The following UTRN variants were observed in gnomAD, a reference collection of about 807,000 sequenced individuals.
The protein encoded by UTRN is utrophin, also known as dystrophin-related protein 1.
UTRN carries 283 observed loss-of-function variants against 463.9 expected under a neutral mutation model. That is an observed-to-expected ratio of 0.61 (90% CI 0.55 to 0.67). The LOEUF (loss-of-function observed/expected upper bound fraction) is 0.67, where lower values mean the gene tolerates loss of function less well. Ranked by LOEUF, UTRN falls within the 30% of genes least tolerant of loss-of-function variation. The probability of loss-of-function intolerance (pLI) is 0.00; values close to 1 mark genes in which losing one functional copy is unlikely to be tolerated. For missense variants in UTRN, 3,922 were observed against 4,084.3 expected, an observed-to-expected ratio of 0.96 and a Z score of 1.08; for synonymous variants, 1,442 against 1,431.5, an observed-to-expected ratio of 1.01 and a Z score of -0.17.
chr6:144,685,783 A>G (rs1782689313), intron 52 of UTRN, among the ~76,000 whole-genome samples: 1 of 150,508 alleles, frequency 6.6e-6, no homozygotes, highest in African/African-American at 2.5e-5. Flanking sequence ...GAGATTCTGG[A>G]TATCAATTCT....
At chr6:144,303,651 A>G (rs528702487) in intron 2 of UTRN, among the ~76,000 whole-genome samples, 7 of 152,200 alleles carry the variant, frequency 4.6e-5, no homozygotes, top group South Asian at 2.1e-4. Context: ...GAGAAGGGTC[A>G]TGCTTTAGGA....
chr6:144,585,863 C>G (rs1327839531), intron 51 of UTRN, among the ~76,000 whole-genome samples: 1 of 151,978 alleles, frequency 6.6e-6, no homozygotes, highest in Non-Finnish European at 1.5e-5. Context: ...TGTGTATCTC[C>G]ATAAAAATAC....
intron 48 of UTRN, among the ~76,000 whole-genome samples, chr6:144,551,950 C>A (rs1798957322): frequency 2.0e-5 from 3 of 152,132 alleles, no homozygotes; most frequent in Admixed American, 1.3e-4. Context: ...TCTTCTGGTC[C>A]CTGGTGAATG....
chr6:144,644,636 A>C (rs1435368520), intron 51 of UTRN, among the ~76,000 whole-genome samples: 1 of 152,050 alleles, frequency 6.6e-6, no homozygotes, highest in Non-Finnish European at 1.5e-5. Flanking sequence ...ATTTTTCCAC[A>C]GTGTTTTTCT....
chr6:144,774,894 TCTGTGGCAGTC>T (rs1775183931), intron 60 of UTRN, among the ~76,000 whole-genome samples: 2 of 152,208 alleles, frequency 1.3e-5, no homozygotes, highest in Non-Finnish European at 2.9e-5. Context: ...AGAGTGGAAT[TCTGTGGCAGTC>T]CTTTCATCAA....
intron 53 of UTRN, among the ~76,000 whole-genome samples, chr6:144,729,307 T>C (rs904470523): frequency 2.0e-5 from 3 of 152,188 alleles, no homozygotes; most frequent in Admixed American, 2.0e-4. Flanking sequence ...TTTTTCATTC[T>C]TACCTTTTAT....
At chr6:144,287,367 G>A (rs1000630451) in intron 1 of UTRN, among the ~76,000 whole-genome samples, 1 of 152,156 alleles carries the variant, frequency 6.6e-6, no homozygotes, top group African/African-American at 2.4e-5. Flanking sequence ...GCGCTTCCGA[G>A]TGTAAATGGC....
At chr6:144,598,855 A>G (rs1475821254) in intron 51 of UTRN, among the ~76,000 whole-genome samples, 2 of 152,176 alleles carry the variant, frequency 1.3e-5, no homozygotes, top group East Asian at 3.9e-4. Flanking sequence ...TTTACTTTAG[A>G]ATGCCCTTGG....
intron 60 of UTRN, among the ~76,000 whole-genome samples, chr6:144,775,754 C>T (rs1429453241): frequency 6.6e-6 from 1 of 152,068 alleles, no homozygotes; most frequent in East Asian, 1.9e-4. Context: ...CAGAAGACTG[C>T]TTTTTGTCAT....
At chr6:144,701,745 G>A (rs970289080) in intron 53 of UTRN, among the ~76,000 whole-genome samples, 2 of 152,070 alleles carry the variant, frequency 1.3e-5, no homozygotes, top group African/African-American at 4.8e-5. Flanking sequence ...AAAGGAAAAT[G>A]TCATTTATGT....
intron 11 of UTRN, among the ~76,000 whole-genome samples, chr6:144,438,152 G>T (rs770329347): frequency 1.7e-4 from 26 of 152,144 alleles, no homozygotes; most frequent in Non-Finnish European, 3.1e-4. Context: ...TGTAATCCTA[G>T]CTACTTGGGA....
chr6:144,446,327 A>G (rs1446129050), intron 14 of UTRN, among the ~76,000 whole-genome samples: 4 of 152,158 alleles, frequency 2.6e-5, no homozygotes, highest in Admixed American at 2.6e-4. Flanking sequence ...TTATGTGCAT[A>G]TCTTACCAGC....
chr6:144,607,531 G>C (rs1205566258), intron 51 of UTRN, among the ~76,000 whole-genome samples: 1 of 152,084 alleles, frequency 6.6e-6, no homozygotes. Context: ...TGATAATCTT[G>C]TTTGAGAAAA....
At chr6:144,535,739 C>G (rs1254389005) in intron 43 of UTRN, among the ~76,000 whole-genome samples, 4 of 152,064 alleles carry the variant, frequency 2.6e-5, no homozygotes, top group Non-Finnish European at 4.4e-5. Flanking sequence ...GTATTGAGTG[C>G]CTGTAGTTAA....
intron 73 of UTRN, among the ~76,000 whole-genome samples, chr6:144,845,793 T>TTTTAGCCTGA (rs1463191058): frequency 2.0e-5 from 3 of 152,124 alleles, no homozygotes; most frequent in Non-Finnish European, 2.9e-5. Flanking sequence ...ACTAGGCTTC[T>TTTTAGCCTGA]TTTAGCCTGA....
intron 25 of UTRN, among the ~76,000 whole-genome samples, chr6:144,478,578 C>G (rs1791495363): frequency 6.6e-6 from 1 of 152,130 alleles, no homozygotes; most frequent in Non-Finnish European, 1.5e-5. Flanking sequence ...TTGTTTGGTC[C>G]TGTCTATTTT....
chr6:144,436,773 AT>A (rs1269037784), intron 10 of UTRN, among the ~76,000 whole-genome samples: 1 of 144,626 alleles, frequency 6.9e-6, no homozygotes, highest in African/African-American at 2.5e-5. Flanking sequence ...ATTTATATAT[AT>A]AATAAATAAA....
intron 2 of UTRN, among the ~76,000 whole-genome samples, chr6:144,329,140 G>C (rs1018466583): frequency 2.7e-5 from 4 of 145,772 alleles, no homozygotes; most frequent in Admixed American, 6.8e-5. Flanking sequence ...TGGAGTGTAG[G>C]GGGGCGATCT....
chr6:144,296,467 A>G (rs893709309), intron 2 of UTRN, among the ~76,000 whole-genome samples: 2 of 152,240 alleles, frequency 1.3e-5, no homozygotes, highest in East Asian at 1.9e-4. Context: ...CACTTTAATT[A>G]ACTCCCCAAG....
Sources: allele counts gnomAD v4.1 joint callset (sites outside exome capture counted in the v4.1 genomes callset), GRCh38; gene constraint gnomAD v4.1.1; transcripts MANE v1.5; gene names NCBI Gene and HGNC (gene_info 2026-07-23, HGNC 2026-07-21).